The following FAM47E variants were observed in gnomAD, a reference collection of about 807,000 sequenced individuals.
FAM47E encodes the protein family with sequence similarity 47 member E.
A neutral mutation model predicts 41.6 loss-of-function variants in FAM47E; 32 were observed. The observed-to-expected ratio is 0.77, with a 90% CI of 0.58 to 1.03. FAM47E has a LOEUF of 1.03. Among genes scored for constraint, FAM47E ranks in the 50% least tolerant of loss-of-function variants. The probability of loss-of-function intolerance (pLI) is 0.00; values close to 1 mark genes in which losing one functional copy is unlikely to be tolerated. For synonymous variants in FAM47E, 184 were observed against 188.7 expected, an observed-to-expected ratio of 0.98 and a Z score of 0.20; for missense variants, 424 against 485.4, an observed-to-expected ratio of 0.87 and a Z score of 1.19.
At chr4:76,269,681 A>T (rs952660186) in intron 4 of FAM47E, 1 of 152,058 alleles carries the variant, frequency 6.6e-6, no homozygotes, top group African/African-American at 2.4e-5. Context: ...CTTCCCACAC[A>T]GGAGGCTGAG....
chr4:76,251,658 C>A, upstream of FAM47E: 5 of 1,356,914 alleles, frequency 3.7e-6, no homozygotes, highest in South Asian at 7.1e-5. Flanking sequence ...ATACCGGCAG[C>A]GGTGGTTGTG....
chr4:76,262,097 G>GT (rs1734442159), intron 2 of FAM47E, among the ~76,000 whole-genome samples: 2 of 152,120 alleles, frequency 1.3e-5, no homozygotes, highest in African/African-American at 2.4e-5. Context: ...ATGTGGAATG[G>GT]ATTTCCCTAT....
At chr4:76,231,710 G>A (rs1009311812) in intron 2 of FAM47E, among the ~76,000 whole-genome samples, 1 of 152,222 alleles carries the variant, frequency 6.6e-6, no homozygotes, top group East Asian at 1.9e-4. Flanking sequence ...TTTTAAAGCT[G>A]AGCCCAGGCA....
At chr4:76,254,225 C>G (rs919977786) in intron 1 of FAM47E, among the ~76,000 whole-genome samples, 1 of 151,864 alleles carries the variant, frequency 6.6e-6, no homozygotes, top group Non-Finnish European at 1.5e-5. Flanking sequence ...AGTTTCAGCT[C>G]ACTGCCACGT....
At chr4:76,261,700 C>T (rs1469844007) in intron 2 of FAM47E, among the ~76,000 whole-genome samples, 2 of 152,004 alleles carry the variant, frequency 1.3e-5, no homozygotes, top group Non-Finnish European at 2.9e-5. Context: ...GTTGAGGATT[C>T]AAAAACTACC....
chr4:76,249,331 T>C (rs1733900786), upstream of FAM47E, among the ~76,000 whole-genome samples: 1 of 152,146 alleles, frequency 6.6e-6, no homozygotes, highest in Non-Finnish European at 1.5e-5. Flanking sequence ...AAATTGTTTA[T>C]TTATTATTTG....
chr4:76,251,581 C>T (rs1733964178), upstream of FAM47E: 7 of 1,288,672 alleles, frequency 5.4e-6, no homozygotes, highest in African/African-American at 4.7e-5. Context: ...AGGTCCACGT[C>T]CCCAGGCGTC....
intron 2 of FAM47E, among the ~76,000 whole-genome samples, chr4:76,230,378 T>C (rs1209200641): frequency 1.3e-5 from 2 of 152,132 alleles, no homozygotes; most frequent in Non-Finnish European, 2.9e-5. Context: ...CTCCTAACAG[T>C]GGCAAATTAA....
At chr4:76,217,750 G>C (rs1195442726) in intron 2 of FAM47E, 1 of 500,696 alleles carries the variant, frequency 2.0e-6, no homozygotes, top group East Asian at 3.1e-5. Flanking sequence ...GCTGTGGCAA[G>C]GAGATACGGT....
chr4:76,238,216 T>A (rs1404472929), intron 2 of FAM47E, among the ~76,000 whole-genome samples: 1 of 152,232 alleles, frequency 6.6e-6, no homozygotes, highest in Non-Finnish European at 1.5e-5. Context: ...TGTATCACGG[T>A]TGACCCAGGT....
intron 2 of FAM47E, among the ~76,000 whole-genome samples, chr4:76,258,507 T>C (rs1446722484): frequency 3.3e-5 from 5 of 152,124 alleles, no homozygotes; most frequent in East Asian, 1.9e-4. Context: ...AGAAATCCTT[T>C]AGAGGCGCTT....
rs72858544 is a variant in FAM47E, at chr4:76,235,728, A to G, written c.81+18040A>G. 9.5e-3 allele frequency among the ~76,000 whole-genome samples: 1,448 copies of G among 152,324 alleles called. 25 individuals carry two copies. Among genetic ancestry groups the G allele is most frequent in the African/African-American group, 0.033 (1,373 of 41,566 alleles). ...TGCTGTTTCACAAAGGAGACTCACA[A>G]ATTCATTGACTAGTTCTAGATCGAT... On this transcript the variant is annotated intron_variant, in intron 2 of 7. Transcript: ENST00000510197.
At chr4:76,252,207 A>G (rs1733996379) in intron 1 of FAM47E, among the ~76,000 whole-genome samples, 1 of 152,046 alleles carries the variant, frequency 6.6e-6, no homozygotes, top group African/African-American at 2.4e-5. Context: ...CCTGTATCCG[A>G]TGTTAGGCAT....
chr4:76,280,189 G>A, intron 6 of FAM47E, 75 bp from the exon 7 acceptor site: 1 of 877,362 alleles, frequency 1.1e-6, no homozygotes, highest in South Asian at 1.6e-5. Flanking sequence ...GGAACTAAAT[G>A]CTTTTAATGA....
chr4:76,254,071 A>G (rs1734084471), intron 1 of FAM47E, among the ~76,000 whole-genome samples: 2 of 150,254 alleles, frequency 1.3e-5, no homozygotes, highest in Admixed American at 6.6e-5. Flanking sequence ...GCAGTGAGCT[A>G]TTGAGCTATA....
At chr4:76,251,541 A>G (rs1433872996), upstream of FAM47E, among the ~76,000 whole-genome samples, 1 of 152,326 alleles carries the variant, frequency 6.6e-6, no homozygotes, top group East Asian at 1.9e-4. Context: ...GATTACACCA[A>G]GGACCGGTAC....
chr4:76,259,595 T>C (rs1271003535), intron 2 of FAM47E, among the ~76,000 whole-genome samples: 1 of 152,178 alleles, frequency 6.6e-6, no homozygotes, highest in Non-Finnish European at 1.5e-5. Context: ...CAGAAGAAAA[T>C]GGATTTCTTG....
intron 7 of FAM47E, chr4:76,280,889 C>A (rs1301136000): frequency 6.6e-6 from 1 of 152,628 alleles, no homozygotes; most frequent in African/African-American, 2.4e-5. Context: ...ATTTCTGCCT[C>A]CTGGTTTCCC....
At chr4:76,230,355 CT>C (rs574010693) in intron 2 of FAM47E, among the ~76,000 whole-genome samples, 141 of 152,244 alleles carry the variant, frequency 9.3e-4, no homozygotes, top group South Asian at 2.9e-3. Flanking sequence ...GCTGGTCTTG[CT>C]CGCTCTGTGC....
Sources: gnomAD v4.1 joint callset for allele counts (sites outside exome capture counted in the v4.1 genomes callset) on GRCh38, gnomAD v4.1.1 for gene constraint, MANE v1.5 for transcripts, NCBI Gene and HGNC (gene_info 2026-07-23, HGNC 2026-07-21) for gene names.